The following VWC2L variants were observed in gnomAD, a reference collection of about 807,000 sequenced individuals.
VWC2L encodes the protein von Willebrand factor C domain containing 2 like, also known as von Willebrand factor C domain-containing protein 2-like.
VWC2L carries 10 observed loss-of-function variants against 21.6 expected under a neutral mutation model. The ratio of observed to expected loss-of-function variants is 0.46; its 90% CI spans 0.29 to 0.78. The LOEUF is 0.78. VWC2L is among the 30% of genes least tolerant of loss of function. VWC2L has a pLI of 0.10. For synonymous variants in VWC2L, 96 were observed against 94.3 expected (o/e 1.02, Z -0.10); for missense variants, 209 against 277.1 (o/e 0.75, Z 1.74).
intron 3 of VWC2L, among the ~76,000 whole-genome samples, chr2:214,489,609 G>A (rs749146052): frequency 2.6e-5 from 4 of 152,194 alleles, no homozygotes; most frequent in Non-Finnish European, 5.9e-5. Context: ...AATGGATTTT[G>A]GAACCTTCAC....
intron 3 of VWC2L, among the ~76,000 whole-genome samples, chr2:214,491,966 T>A (rs1339618844): frequency 1.3e-5 from 2 of 152,194 alleles, no homozygotes; most frequent in Non-Finnish European, 2.9e-5. Flanking sequence ...AGAAATGTGG[T>A]AAATGTTAAG....
intron 3 of VWC2L, among the ~76,000 whole-genome samples, chr2:214,511,862 A>C (rs889981500): frequency 1.8e-4 from 11 of 62,196 alleles, no homozygotes; most frequent in South Asian, 7.3e-4. Flanking sequence ...TATATACTCT[A>C]TATATATACT....
At chr2:214,550,302 C>T (rs995168165) in intron 3 of VWC2L, among the ~76,000 whole-genome samples, 2 of 152,132 alleles carry the variant, frequency 1.3e-5, no homozygotes, top group Admixed American at 6.6e-5. Flanking sequence ...TTAATAAGTT[C>T]CATTTGGGAA....
chr2:214,500,999 C>T (rs1688883338), intron 3 of VWC2L, among the ~76,000 whole-genome samples: 1 of 152,130 alleles, frequency 6.6e-6, no homozygotes, highest in African/African-American at 2.4e-5. Context: ...CATCTCTCTT[C>T]CTTGAATTGA....
chr2:214,537,589 G>C (rs772181820), intron 3 of VWC2L, among the ~76,000 whole-genome samples: 1 of 151,946 alleles, frequency 6.6e-6, no homozygotes, highest in Non-Finnish European at 1.5e-5. Context: ...GTTGGCCAAA[G>C]GGTACAAAGT....
At chr2:214,525,819 C>T (rs116128731) in intron 3 of VWC2L, among the ~76,000 whole-genome samples, 1 of 152,080 alleles carries the variant, frequency 6.6e-6, no homozygotes, top group African/African-American at 2.4e-5. Context: ...TTTAGTTAAA[C>T]CTTTGGCCCT....
intron 3 of VWC2L, among the ~76,000 whole-genome samples, chr2:214,535,976 G>A (rs1421846977): frequency 2.0e-5 from 3 of 152,066 alleles, no homozygotes; most frequent in Non-Finnish European, 2.9e-5. Flanking sequence ...CAGTCCTGCT[G>A]TTACACCCAT....
At chr2:214,445,677 T>A (rs1702827420) in intron 3 of VWC2L, among the ~76,000 whole-genome samples, 1 of 151,868 alleles carries the variant, frequency 6.6e-6, no homozygotes. Context: ...TAATAGATAA[T>A]TTTTATTTTC....
intron 3 of VWC2L, among the ~76,000 whole-genome samples, chr2:214,527,014 T>C (rs1445383436): frequency 6.6e-6 from 1 of 152,104 alleles, no homozygotes; most frequent in Non-Finnish European, 1.5e-5. Context: ...GGTGTATAGG[T>C]GGTTCCGTGG....
chr2:214,524,173 G>A (rs1205791181), intron 3 of VWC2L, among the ~76,000 whole-genome samples: 1 of 151,988 alleles, frequency 6.6e-6, no homozygotes, highest in Non-Finnish European at 1.5e-5. Flanking sequence ...CTACCTAACA[G>A]CAATAAAACT....
chr2:214,571,492 C>G (rs1166033995), intron 3 of VWC2L, among the ~76,000 whole-genome samples: 2 of 152,174 alleles, frequency 1.3e-5, no homozygotes, highest in Non-Finnish European at 2.9e-5. Context: ...ATATTTAATA[C>G]TAACACTAGG....
At chr2:214,437,695 T>C (rs891937649) in intron 3 of VWC2L, among the ~76,000 whole-genome samples, 1 of 152,160 alleles carries the variant, frequency 6.6e-6, no homozygotes, top group Non-Finnish European at 1.5e-5. Flanking sequence ...TGCTCTGAAT[T>C]TGGAGCTCAC....
intron 3 of VWC2L, among the ~76,000 whole-genome samples, chr2:214,547,894 T>C (rs1257635404): frequency 1.3e-5 from 2 of 152,222 alleles, no homozygotes; most frequent in African/African-American, 4.8e-5. Flanking sequence ...GCACAGTGAA[T>C]AGTATGCCAT....
At position 214,561,809 on chromosome 2, in the gene VWC2L, T is replaced by TATATATATATATATATAC. The variant is rs1489588765; in HGVS notation, c.521-13862_521-13861insTATATATATATATATACA. On this transcript the variant is annotated intron_variant, in intron 3 of 3. Coordinates refer to ENST00000312504, the MANE Select transcript of VWC2L (RefSeq NM_001080500.4). Reference sequence around the variant, plus strand: ...TTATATATATATATATATATATATATACACACACATATATAATTTTATATA... The same window carrying TATATATATATATATATAC: ...TTATATATATATATATATATATATATATATATATATATATATACACACACACATATATAATTTTATATA... Among the ~76,000 whole-genome samples, 1,019 of 126,550 alleles carry TATATATATATATATATAC rather than the reference T, an allele frequency of 8.1e-3. 30 individuals carry two copies. Among genetic ancestry groups the TATATATATATATATATAC allele is most frequent in the Middle Eastern group, 0.022 (5 of 230 alleles). 83.0% of individuals were successfully genotyped at this position (126,550 alleles called of 152,430 possible).
intron 3 of VWC2L, among the ~76,000 whole-genome samples, chr2:214,470,094 T>C (rs1361395913): frequency 6.6e-6 from 1 of 151,566 alleles, no homozygotes; most frequent in African/African-American, 2.5e-5. Context: ...TGCAAAATAT[T>C]ATCATGCTCA....
chr2:214,498,078 C>A (rs1041580596), intron 3 of VWC2L, among the ~76,000 whole-genome samples: 14 of 152,052 alleles, frequency 9.2e-5, no homozygotes, highest in Admixed American at 7.9e-4. Context: ...CCAGGGTCAC[C>A]CAGGGCATGA....
intron 1 of VWC2L, among the ~76,000 whole-genome samples, 166 bp from the exon 2 acceptor site, chr2:214,413,948 C>T (rs1206689928): frequency 6.6e-6 from 1 of 152,118 alleles, no homozygotes; most frequent in African/African-American, 2.4e-5. Flanking sequence ...TGCCAAGTAT[C>T]AACTCTCCAA....
intron 3 of VWC2L, among the ~76,000 whole-genome samples, chr2:214,553,327 A>G (rs1689824157): frequency 6.6e-6 from 1 of 152,256 alleles, no homozygotes; most frequent in Admixed American, 6.5e-5. Context: ...CATGTGCCCA[A>G]AGTGATCAGG....
chr2:214,528,034 C>A (rs1689371641), intron 3 of VWC2L, among the ~76,000 whole-genome samples: 1 of 152,160 alleles, frequency 6.6e-6, no homozygotes, highest in Non-Finnish European at 1.5e-5. Flanking sequence ...TGAATAGTAA[C>A]AGAGGAAACT....
Sources: allele counts gnomAD v4.1 joint callset (sites outside exome capture counted in the v4.1 genomes callset), GRCh38; gene constraint gnomAD v4.1.1; transcripts MANE v1.5; gene names NCBI Gene and HGNC (gene_info 2026-07-23, HGNC 2026-07-21).